Variants in ROBO2 observed in about 807,000 individuals in gnomAD.
ROBO2 encodes roundabout guidance receptor 2.
Under a neutral mutation model 160.8 loss-of-function variants are expected in ROBO2, and 53 were observed. That is an observed-to-expected ratio of 0.33 (90% CI 0.26 to 0.41). The LOEUF (loss-of-function observed/expected upper bound fraction) is 0.41. Among genes scored for constraint, ROBO2 ranks in the 10% least tolerant of loss-of-function variants. The probability of loss-of-function intolerance (pLI) is 1.00; values close to 1 mark genes in which losing one functional copy is unlikely to be tolerated. For missense variants in ROBO2, 1,577 were observed against 1,722.4 expected (o/e 0.92, Z 1.49); for synonymous variants, 664 against 611.7 (o/e 1.09, Z -1.26).
intron 2 of ROBO2, among the ~76,000 whole-genome samples, chr3:77,471,856 G>C (rs1361490446): frequency 6.6e-6 from 1 of 152,120 alleles, no homozygotes; most frequent in African/African-American, 2.4e-5. Flanking sequence ...ACAAAGGGTG[G>C]CCTGGGACAA....
chr3:76,655,822 C>A (rs2091493949), intron 2 of ROBO2, among the ~76,000 whole-genome samples: 1 of 151,238 alleles, frequency 6.6e-6, no homozygotes, highest in African/African-American at 2.4e-5. Context: ...TGGAATACAT[C>A]ATAAACTAGA....
rs74877940 is a variant in ROBO2, at chr3:77,164,884, G to A, written c.388+66544G>A. 8.6e-3 allele frequency among the ~76,000 whole-genome samples: 459 copies of A among 53,616 alleles called. 9 individuals carry two copies. The highest frequency in any genetic ancestry group is 0.018 in the Non-Finnish European group (258 of 14,724). The allele number at this position is 53,616 out of a possible 152,430, so 35.2% of individuals were successfully genotyped here. On this transcript the variant is annotated intron_variant, in intron 2 of 25. Coordinates refer to ENST00000461745, the Ensembl canonical transcript of ROBO2. Reference sequence around the variant, plus strand: ...GGCCAGCCACCCCGTCCGGGAGGGAGGTGGGGGGGTCAGCCCCCCGCCCGG... The same window carrying A: ...GGCCAGCCACCCCGTCCGGGAGGGAAGTGGGGGGGTCAGCCCCCCGCCCGG...
intron 2 of ROBO2, among the ~76,000 whole-genome samples, chr3:76,906,974 G>T (rs2075646840): frequency 6.6e-6 from 1 of 152,116 alleles, no homozygotes; most frequent in Non-Finnish European, 1.5e-5. Flanking sequence ...AAGGGAGAAA[G>T]CCAACAGGTT....
At chr3:76,346,133 A>G (rs2074514366) in intron 2 of ROBO2, among the ~76,000 whole-genome samples, 1 of 152,108 alleles carries the variant, frequency 6.6e-6, no homozygotes, top group Non-Finnish European at 1.5e-5. Context: ...TGGGACCACT[A>G]AAGAAGGCTG....
chr3:77,351,690 A>G (rs114838741), intron 2 of ROBO2, among the ~76,000 whole-genome samples: 3,466 of 152,260 alleles, frequency 0.023, 162 homozygotes, highest in African/African-American at 0.078. Flanking sequence ...ATGGAGGATC[A>G]TTGTCATAAT....
chr3:76,477,446 T>G (rs952889217), intron 2 of ROBO2, among the ~76,000 whole-genome samples: 2 of 152,086 alleles, frequency 1.3e-5, no homozygotes, highest in African/African-American at 4.8e-5. Context: ...TGCAATGCTA[T>G]AGAAATAGCA....
intron 2 of ROBO2, among the ~76,000 whole-genome samples, chr3:75,947,810 T>C (rs1468652159): frequency 6.6e-6 from 1 of 152,096 alleles, no homozygotes; most frequent in Non-Finnish European, 1.5e-5. Flanking sequence ...TATAACTTGT[T>C]TGAAGATCTG....
At chr3:76,161,735 A>G (rs1288215249) in intron 2 of ROBO2, among the ~76,000 whole-genome samples, 1 of 152,038 alleles carries the variant, frequency 6.6e-6, no homozygotes, top group Non-Finnish European at 1.5e-5. Context: ...CATGTTTCCC[A>G]TGGTGTGCTT....
chr3:77,541,536 A>C (rs1559575039), intron 6 of ROBO2, among the ~76,000 whole-genome samples: 1 of 152,160 alleles, frequency 6.6e-6, no homozygotes, highest in Non-Finnish European at 1.5e-5. Flanking sequence ...ACTGTCCCAG[A>C]CCTCTAATCT....
chr3:75,977,210 C>G (rs627410), intron 2 of ROBO2, among the ~76,000 whole-genome samples: 137,442 of 151,502 alleles, frequency 0.91, 63,412 homozygotes, highest in East Asian at 1. Context: ...TCACAATTGT[C>G]CCTGGCAACA....
intron 2 of ROBO2, among the ~76,000 whole-genome samples, chr3:76,059,418 T>TC (rs2067985220): frequency 6.6e-6 from 1 of 152,240 alleles, no homozygotes; most frequent in South Asian, 2.1e-4. Flanking sequence ...GAGCATTTTT[T>TC]CATGTGTTTT....
At chr3:77,596,225 G>A (rs536987838) in intron 18 of ROBO2, among the ~76,000 whole-genome samples, 2 of 152,248 alleles carry the variant, frequency 1.3e-5, no homozygotes, top group African/African-American at 2.4e-5. Flanking sequence ...GAACAGATAC[G>A]TAAGGTAGCT....
chr3:77,328,571 G>A (rs778373874), intron 2 of ROBO2, among the ~76,000 whole-genome samples: 1 of 152,116 alleles, frequency 6.6e-6, no homozygotes, highest in Non-Finnish European at 1.5e-5. Context: ...TTGATCTGCT[G>A]TTTAACTTAT....
At chr3:77,536,257 A>G (rs56022220) in intron 6 of ROBO2, among the ~76,000 whole-genome samples, 20,730 of 152,088 alleles carry the variant, frequency 0.14, 2,927 homozygotes, top group African/African-American at 0.36. Context: ...ATGTGCCTTA[A>G]AGCAGTCTGC....
At chr3:77,628,368 G>A (rs529353127) in intron 23 of ROBO2, among the ~76,000 whole-genome samples, 2 of 149,006 alleles carry the variant, frequency 1.3e-5, no homozygotes, top group South Asian at 4.2e-4. Flanking sequence ...TATCACAAAA[G>A]TGACTTACTT....
chr3:76,835,661 T>C (rs894637804), intron 2 of ROBO2, among the ~76,000 whole-genome samples: 6 of 151,878 alleles, frequency 4.0e-5, no homozygotes, highest in Non-Finnish European at 8.8e-5. Context: ...TTTTCATTTA[T>C]TCTAAACTAT....
intron 2 of ROBO2, among the ~76,000 whole-genome samples, chr3:76,963,876 G>C (rs1387025473): frequency 6.9e-6 from 1 of 145,552 alleles, no homozygotes; most frequent in South Asian, 2.2e-4. Flanking sequence ...GAAATAAAAA[G>C]AAAAAGAAAA....
chr3:76,024,635 A>T (rs1225396572), intron 2 of ROBO2, among the ~76,000 whole-genome samples: 3 of 151,648 alleles, frequency 2.0e-5, no homozygotes, highest in African/African-American at 7.2e-5. Context: ...AATTACATAG[A>T]TTCTATTTTC....
intron 2 of ROBO2, among the ~76,000 whole-genome samples, chr3:76,135,406 T>A (rs953982247): frequency 6.6e-6 from 1 of 152,134 alleles, no homozygotes; most frequent in Non-Finnish European, 1.5e-5. Context: ...CCACTCTCTT[T>A]AATGGTTGAG....
Sources: gnomAD v4.1 joint callset for allele counts (sites outside exome capture counted in the v4.1 genomes callset) on GRCh38, gnomAD v4.1.1 for gene constraint, MANE v1.5 for transcripts, NCBI Gene and HGNC (gene_info 2026-07-23, HGNC 2026-07-21) for gene names.